The following ALK variants were observed in gnomAD, a reference collection of about 807,000 sequenced individuals.
ALK encodes ALK tyrosine kinase receptor.
A neutral mutation model predicts 163.1 loss-of-function variants in ALK; 74 were observed. The ratio of observed to expected loss-of-function variants is 0.45; its 90% CI spans 0.38 to 0.55. The LOEUF (loss-of-function observed/expected upper bound fraction) is 0.55. Among genes scored for constraint, ALK ranks in the 20% least tolerant of loss-of-function variants. The pLI, the probability that ALK is intolerant of heterozygous loss-of-function variation, is 0.00. For missense variants in ALK, 2,063 were observed against 2,105.3 expected, an observed-to-expected ratio of 0.98 and a Z score of 0.39; for synonymous variants, 960 against 843.2, an observed-to-expected ratio of 1.14 and a Z score of -2.40.
At chr2:29,913,323 G>A (rs1402442519) in intron 1 of ALK, among the ~76,000 whole-genome samples, 1 of 152,116 alleles carries the variant, frequency 6.6e-6, no homozygotes, top group South Asian at 2.1e-4. Context: ...AGAAAAATAA[G>A]CTATTCTGAA....
At chr2:29,773,340 G>C (rs568074847) in intron 1 of ALK, among the ~76,000 whole-genome samples, 1 of 152,254 alleles carries the variant, frequency 6.6e-6, no homozygotes, top group East Asian at 1.9e-4. Context: ...TGAGGAATGA[G>C]AAATCCTATG....
intron 1 of ALK, among the ~76,000 whole-genome samples, chr2:29,843,074 G>A (rs1047854399): frequency 2.0e-5 from 3 of 152,264 alleles, no homozygotes; most frequent in East Asian, 1.9e-4. Flanking sequence ...GGGGCAGAGT[G>A]AGCAGGTAAG....
intron 1 of ALK, among the ~76,000 whole-genome samples, chr2:29,894,148 G>T (rs537238099): frequency 6.6e-6 from 1 of 152,280 alleles, no homozygotes; most frequent in Admixed American, 6.5e-5. Context: ...AAGAAACCCA[G>T]AGAGAACTTG....
At chr2:29,854,146 G>T (rs1666079613) in intron 1 of ALK, among the ~76,000 whole-genome samples, 1 of 152,058 alleles carries the variant, frequency 6.6e-6, no homozygotes, top group Non-Finnish European at 1.5e-5. Flanking sequence ...CATTGATCAT[G>T]TTGTCACCTC....
Position 29,320,811 on chromosome 2 carries a change from G to T in ALK, c.1486C>A (p.Pro496Thr), listed in dbSNP as rs1280504351. ...FCGWTQGTLS[P>T]HTPQWQVRTL... The stretch of plus-strand genomic sequence containing the variant: ...CTGACCTGCCATTGAGGAGTGTGGG[G>T]TGACAGTGTGCCTTGGGTCCAGCCA... Residue 496 changes from proline (P) to threonine (T), a missense_variant, in exon 7 of 29, where the codon CCC becomes ACC. Pro to Thr is a conservative substitution (Grantham distance 38). This residue lies in a region of ALK where 987 missense variants were observed against 939.5 expected (regional missense o/e 1.05). Coordinates refer to ENST00000389048, the MANE Select transcript of ALK (RefSeq NM_004304.5). 1 of 1,614,144 alleles carries T rather than the reference G, an allele frequency of 6.2e-7. No homozygotes were observed. Among genetic ancestry groups the T allele is most frequent in the Admixed American group, 1.7e-5 (1 of 60,028 alleles).
rs546018386 is a variant in ALK at position 29,438,902 on chromosome 2, G to T, written c.1155-55043C>A. Among the ~76,000 whole-genome samples, 81 of 152,290 alleles carry T rather than the reference G, an allele frequency of 5.3e-4. No individual in the cohort carries two copies. In the South Asian group the frequency reaches 0.017, roughly 31 times the overall value. ...AGCACTGTGGGCTTGTTCTATTATA[G>T]ATGCCAGTTCTTCCCTAGGGCTCCA... On this transcript the variant is annotated intron_variant, in intron 4 of 28. Coordinates refer to ENST00000389048, the MANE Select transcript of ALK (RefSeq NM_004304.5).
intron 3 of ALK, among the ~76,000 whole-genome samples, chr2:29,655,990 A>C (rs1388660625): frequency 6.6e-6 from 1 of 152,142 alleles, no homozygotes; most frequent in African/African-American, 2.4e-5. Flanking sequence ...TCTTTCTCTA[A>C]GAAGGTATCA....
At chr2:29,677,703 T>C (rs1677927814) in intron 3 of ALK, among the ~76,000 whole-genome samples, 1 of 152,104 alleles carries the variant, frequency 6.6e-6, no homozygotes, top group Non-Finnish European at 1.5e-5. Flanking sequence ...TAAGAATTTT[T>C]GCACCCATCT....
intron 26 of ALK, among the ~76,000 whole-genome samples, chr2:29,198,197 G>A (rs1269192989): frequency 6.6e-6 from 1 of 151,844 alleles, no homozygotes; most frequent in African/African-American, 2.4e-5. Flanking sequence ...AGGATGTCCA[G>A]CCAGCTGATT....
intron 3 of ALK, among the ~76,000 whole-genome samples, chr2:29,568,673 G>A (rs987741791): frequency 1.3e-5 from 2 of 152,228 alleles, no homozygotes; most frequent in African/African-American, 4.8e-5. Context: ...AGTGCAGGAA[G>A]GAAGAGAAAG....
At chr2:29,316,335 C>T (rs1484391632) in intron 8 of ALK, among the ~76,000 whole-genome samples, 2 of 152,104 alleles carry the variant, frequency 1.3e-5, no homozygotes, top group African/African-American at 4.8e-5. Context: ...GTGGAATGGA[C>T]TTATTCCCTT....
chr2:29,428,760 C>T (rs537384730), intron 4 of ALK, among the ~76,000 whole-genome samples: 10 of 151,980 alleles, frequency 6.6e-5, no homozygotes, highest in African/African-American at 9.7e-5. Context: ...ACGCATTCTA[C>T]GATGTCAGTA....
intron 3 of ALK, among the ~76,000 whole-genome samples, chr2:29,562,902 T>G (rs1448383617): frequency 6.6e-6 from 1 of 152,212 alleles, no homozygotes; most frequent in African/African-American, 2.4e-5. Flanking sequence ...TTAAGTAGGG[T>G]ACCTTCTATT....
chr2:29,528,252 G>A (rs893583352), intron 4 of ALK, among the ~76,000 whole-genome samples: 4 of 152,014 alleles, frequency 2.6e-5, no homozygotes, highest in Non-Finnish European at 2.9e-5. Flanking sequence ...AACAAGACAC[G>A]AGGTGGCCTT....
chr2:29,537,428 G>T (rs1202584351), intron 3 of ALK, among the ~76,000 whole-genome samples: 3 of 152,204 alleles, frequency 2.0e-5, no homozygotes, highest in Non-Finnish European at 4.4e-5. Flanking sequence ...CACCACTTTG[G>T]ATAACATAAG....
At chr2:29,842,243 C>T (rs563137903) in intron 1 of ALK, among the ~76,000 whole-genome samples, 1 of 152,184 alleles carries the variant, frequency 6.6e-6, no homozygotes, top group East Asian at 1.9e-4. Flanking sequence ...CTATGAAAGA[C>T]CCGAGGAGAG....
intron 3 of ALK, among the ~76,000 whole-genome samples, chr2:29,580,078 A>G (rs1461190340): frequency 1.3e-5 from 2 of 152,164 alleles, no homozygotes; most frequent in Non-Finnish European, 2.9e-5. Flanking sequence ...GACCCAGCAC[A>G]GTGGCATTTT....
At chr2:29,650,233 ATCT>A (rs1573527921) in intron 3 of ALK, among the ~76,000 whole-genome samples, 2 of 152,204 alleles carry the variant, frequency 1.3e-5, no homozygotes, top group East Asian at 3.9e-4. Context: ...AAAAGTCCTA[ATCT>A]TCTAATTCTG....
intron 3 of ALK, among the ~76,000 whole-genome samples, chr2:29,613,597 T>C (rs1192981124): frequency 6.6e-6 from 1 of 152,180 alleles, no homozygotes; most frequent in East Asian, 1.9e-4. Flanking sequence ...GTCACACAGG[T>C]ACACAAGCAC....
Sources: gnomAD v4.1 joint callset for allele counts (sites outside exome capture counted in the v4.1 genomes callset) on GRCh38, gnomAD v4.1.1 for gene constraint, gnomAD v4.1.1 regional missense constraint, MANE v1.5 for transcripts, NCBI Gene and HGNC (gene_info 2026-07-23, HGNC 2026-07-21) for gene names.